The following ADAMTS9 variants were observed in gnomAD, a reference collection of about 807,000 sequenced individuals.
ADAMTS9 encodes A disintegrin and metalloproteinase with thrombospondin motifs 9.
In ADAMTS9, 107 loss-of-function variants were observed where a neutral mutation model predicts 257.1. That is an observed-to-expected ratio of 0.42 (90% confidence interval 0.36 to 0.49). ADAMTS9 has a LOEUF of 0.49. ADAMTS9 is among the 20% of genes least tolerant of loss of function. The pLI is 0.03. For synonymous variants in ADAMTS9, 982 were observed against 880.9 expected (o/e 1.11, Z -2.03); for missense variants, 2,353 against 2,469.1 (o/e 0.95, Z 1.00).
chr3:64,546,984 G>A (rs373173564), intron 31 of ADAMTS9, 32 bp from the exon 32 acceptor site: 278 of 1,581,466 alleles, frequency 1.8e-4, no homozygotes, highest in Non-Finnish European at 2.2e-4. Flanking sequence ...GGAGAGGTTC[G>A]AGCAGTTCCT....
At chr3:64,658,404 G>C (rs982978884) in intron 4 of ADAMTS9, 98 bp downstream of exon 4, 1 of 1,277,588 alleles carries the variant, frequency 7.8e-7, no homozygotes, top group African/African-American at 1.5e-5. Context: ...TGGCTGAAAT[G>C]CCAGTTCTGA....
At chr3:64,680,558 A>G (rs1220297128) in intron 3 of ADAMTS9, among the ~76,000 whole-genome samples, 1 of 152,164 alleles carries the variant, frequency 6.6e-6, no homozygotes, top group African/African-American at 2.4e-5. Flanking sequence ...GACAATGGCC[A>G]AACATGTCAG....
chr3:64,664,675 T>C (rs1701308861), intron 3 of ADAMTS9, among the ~76,000 whole-genome samples: 2 of 152,216 alleles, frequency 1.3e-5, no homozygotes. Context: ...CATTCATCAT[T>C]GGTGGACATT....
intron 3 of ADAMTS9, among the ~76,000 whole-genome samples, chr3:64,659,144 G>A (rs1701161544): frequency 6.6e-6 from 1 of 152,134 alleles, no homozygotes; most frequent in African/African-American, 2.4e-5. Context: ...ATATAGTAAG[G>A]GCCAGTAACG....
intron 39 of ADAMTS9, among the ~76,000 whole-genome samples, chr3:64,520,876 C>T (rs940381064): frequency 1.3e-5 from 2 of 152,118 alleles, no homozygotes; most frequent in Non-Finnish European, 2.9e-5. Flanking sequence ...CTCTTCTGAA[C>T]ATTGGCCTAG....
At chr3:64,672,116 C>T (rs1347609207) in intron 3 of ADAMTS9, among the ~76,000 whole-genome samples, 4 of 152,178 alleles carry the variant, frequency 2.6e-5, no homozygotes. Flanking sequence ...AGCTAGATGG[C>T]CCTCTTCCAG....
In ADAMTS9 at chr3:64,552,780, C is replaced by T. The variant is rs771814089; in HGVS notation, c.4699-1718G>A. Among the ~76,000 whole-genome samples the T allele has an allele frequency of 2.0e-5, 3 of 152,236 alleles. 1 individual carries two copies. Among genetic ancestry groups the T allele is most frequent in the South Asian group, 4.1e-4 (2 of 4,830 alleles). On this transcript the variant is annotated intron_variant, in intron 30 of 39. Transcript: ENST00000498707. Reference sequence around the variant, plus strand: ...CTACGTTGCCCAGTTTGGTCTTGAACTCCTGGGTTTAAGGGATCCTCCTGC... The same window carrying T: ...CTACGTTGCCCAGTTTGGTCTTGAATTCCTGGGTTTAAGGGATCCTCCTGC...
chr3:64,633,645 C>G, intron 13 of ADAMTS9, 37 bp from the exon 14 acceptor site: 1 of 1,613,958 alleles, frequency 6.2e-7, no homozygotes, highest in South Asian at 1.1e-5. Context: ...ACTTTTGTGC[C>G]TGGCCTCAGT....
In ADAMTS9 at chr3:64,687,461, C is replaced by T. The variant is rs1701947480; in HGVS notation, c.115+82G>A. On this transcript the variant is annotated intron_variant, in intron 1 of 39. Coordinates refer to ENST00000498707, the MANE Select transcript of ADAMTS9 (RefSeq NM_182920.2). This position sits in a 1 kb window ranked among gnomAD's most constrained non-coding sequence, Gnocchi z 4.4. ...TCTAGGAAAAGGAGAGAAGCCTCCG[C>T]TGCGGGGTGCCCCTGCCCAGGAGCG... 1 of 1,136,876 alleles carries T rather than the reference C, an allele frequency of 8.8e-7. No homozygotes were observed. Among genetic ancestry groups the T allele is most frequent in the African/African-American group, 1.7e-5 (1 of 60,554 alleles). The allele number at this position is 1,136,876 out of a possible 1,614,324, so 70.4% of individuals were successfully genotyped here. A position where few individuals can be genotyped will look rare whatever the true frequency, so the allele number is the denominator to read the frequency against.
Position 64,686,885 on chromosome 3 carries a change from C to T in ADAMTS9, c.199G>A (p.Val67Ile). ...CTCCGTCGCGTTCTTTTGAAGTGGA[C>T]GTTCGTGGGAAAGGGTTCTCCGAGA... is the stretch of plus-strand genomic sequence containing the variant. ...NALGEPFPTNVHFKRTRRSIN... is the reference protein window; with the variant it reads ...NALGEPFPTNIHFKRTRRSIN... Residue 67 changes from valine to isoleucine, a missense_variant, in exon 2 of 40, where the codon GTC becomes ATC. Physicochemically the swap from Val to Ile is conservative, Grantham distance 29. Coordinates refer to ENST00000498707, the MANE Select transcript of ADAMTS9 (RefSeq NM_182920.2). This position sits in a 1 kb window ranked among gnomAD's most constrained non-coding sequence, Gnocchi z 4.6. The T allele has an allele frequency of 1.2e-6, 2 of 1,614,148 alleles. No homozygotes were observed. Among genetic ancestry groups the T allele is most frequent in the Admixed American group, 1.7e-5 (1 of 60,018 alleles).
At position 64,539,270 on chromosome 3, in the gene ADAMTS9, G is replaced by T; in HGVS notation, c.5546C>A (p.Thr1849Lys). ...IITTDLQFAR[T>K]SEGHPVPFAT... is the part of the protein sequence containing the mutation. ...AAAAGGGACGGGATGTCCTTCGCTT[G>T]TCCTTGCAAACTGTAAGTCAGTGGC... is the stretch of plus-strand genomic sequence containing the variant. Residue 1849 changes from threonine (T) to lysine (K), a missense_variant, in exon 37 of 40, where the codon ACA (threonine) becomes AAA (lysine). By Grantham distance (78) the Thr-to-Lys change is moderately conservative. This residue lies in a region of ADAMTS9 where 1,402 missense variants were observed against 1,441.4 expected (regional missense o/e 0.97). Coordinates refer to ENST00000498707, the MANE Select transcript of ADAMTS9 (RefSeq NM_182920.2). 6.2e-7 allele frequency: 1 copy of T among 1,614,050 alleles called. No individual in the cohort carries two copies. The highest frequency in any genetic ancestry group is 8.5e-7 in the Non-Finnish European group (1 of 1,179,946).
At position 64,687,603 on chromosome 3, in the gene ADAMTS9, C is replaced by G; in HGVS notation, c.55G>C (p.Glu19Gln). The change falls in exon 1 of 40, where the codon GAG (glutamate) becomes CAG (glutamine). Residue 19 changes from glutamate (E) to glutamine (Q), a missense_variant. By Grantham distance (29) the Glu-to-Gln change is conservative (BLOSUM62 2). This residue lies in a region of ADAMTS9 where 591 missense variants were observed against 569.6 expected (regional missense o/e 1.04). Coordinates refer to ENST00000498707, the MANE Select transcript of ADAMTS9 (RefSeq NM_182920.2). This position sits in a 1 kb window ranked among gnomAD's most constrained non-coding sequence, Gnocchi z 4.4. ...GCCGCGGCGTCTGGGCTCCCCATCT[C>G]GGCCAGGTCCCGCACCAGGAGCGTT... is the stretch of plus-strand genomic sequence containing the variant. ...LLTLLVRDLA[E>Q]MGSPDAAAAV... 1 of 1,585,290 alleles carries G rather than the reference C, an allele frequency of 6.3e-7. No homozygotes were observed. Among genetic ancestry groups the G allele is most frequent in the African/African-American group, 1.4e-5 (1 of 74,010 alleles).
At chr3:64,657,148 A>C (rs1701095676) in intron 4 of ADAMTS9, among the ~76,000 whole-genome samples, 1 of 152,140 alleles carries the variant, frequency 6.6e-6, no homozygotes. Flanking sequence ...GCACTGCCCA[A>C]CAGTGGCCAC....
Position 64,641,888 on chromosome 3 carries a change from C to T in ADAMTS9, c.1816G>A (p.Gly606Arg). ...TCTCGAATGGCTGTTTTGATGCCCC[C>T]TCCACATGTTCTGGAGCAGGTTCCA... ...PFGTCSRTCGGGIKTAIRECN... is the reference protein window; with the variant it reads ...PFGTCSRTCGRGIKTAIRECN... The change falls in exon 12 of 40, where the codon GGG (glycine) becomes AGG (arginine). Residue 606 changes from glycine to arginine, a missense_variant. Gly to Arg is a moderately radical substitution (Grantham distance 125). Coordinates refer to ENST00000498707, the MANE Select transcript of ADAMTS9 (RefSeq NM_182920.2). 6.2e-7 allele frequency: 1 copy of T among 1,614,128 alleles called. No individual in the cohort carries two copies. Among genetic ancestry groups the T allele is most frequent in the Non-Finnish European group, 8.5e-7 (1 of 1,180,010 alleles).
chr3:64,594,750 T>C (rs2084330998), intron 27 of ADAMTS9, among the ~76,000 whole-genome samples: 3 of 152,152 alleles, frequency 2.0e-5, no homozygotes, highest in Non-Finnish European at 2.9e-5. Context: ...GGAGGTTAAT[T>C]AACTCGATCA....
intron 12 of ADAMTS9, 22 bp from the exon 13 acceptor site, chr3:64,633,901 G>A (rs1328601945): frequency 6.3e-7 from 1 of 1,592,992 alleles, no homozygotes; most frequent in South Asian, 1.1e-5. Flanking sequence ...AAAATGTGAA[G>A]AGCACACACA....
Position 64,631,817 on chromosome 3 carries a change from C to T in ADAMTS9, c.2284G>A (p.Val762Ile). The T allele has an allele frequency of 6.2e-7, 1 of 1,611,588 alleles. No homozygotes were observed. The highest frequency in any genetic ancestry group is 8.5e-7 in the Non-Finnish European group (1 of 1,177,872). ...CKTVAGTFNT[V>I]HYGYNTVVRI... ...AGGAGCAGATTCTTACCATAATGTACTGTATTAAATGTTCCTGCCACTGTT... is the reference window on the plus strand; with the variant it reads ...AGGAGCAGATTCTTACCATAATGTATTGTATTAAATGTTCCTGCCACTGTT... Residue 762 changes from valine (V) to isoleucine (I), a missense_variant, in exon 15 of 40, where the codon GTA (valine) becomes ATA (isoleucine). Coordinates refer to ENST00000498707, the MANE Select transcript of ADAMTS9 (RefSeq NM_182920.2).
chr3:64,637,679 A>ATT (rs1700533145), intron 12 of ADAMTS9, among the ~76,000 whole-genome samples: 1 of 152,248 alleles, frequency 6.6e-6, no homozygotes, highest in African/African-American at 2.4e-5. Context: ...GGCACAAGAC[A>ATT]TTTCTAAAGA....
At position 64,687,269 on chromosome 3, in the gene ADAMTS9, A is replaced by G. The variant is rs574298277; in HGVS notation, c.115+274T>C. The stretch of plus-strand genomic sequence containing the variant: ...AACATGACGCTATCTGGTGCCCCCA[A>G]TTACTAAGTTACTTTAGTTTGCGGC... On this transcript the variant is annotated intron_variant, in intron 1 of 39. Transcript: ENST00000498707. This position sits in a 1 kb window ranked among gnomAD's most constrained non-coding sequence, Gnocchi z 4.4. Among the ~76,000 whole-genome samples the G allele has an allele frequency of 1.3e-5, 2 of 152,278 alleles. No individual in the cohort carries two copies. Among genetic ancestry groups the G allele is most frequent in the African/African-American group, 2.4e-5 (1 of 41,568 alleles).
Sources: allele counts gnomAD v4.1 joint callset (sites outside exome capture counted in the v4.1 genomes callset), GRCh38; gene constraint gnomAD v4.1.1; regional missense constraint gnomAD v4.1.1; non-coding constraint Gnocchi (gnomAD v3.1); transcripts MANE v1.5; gene names NCBI Gene and HGNC (gene_info 2026-07-23, HGNC 2026-07-21).